MCM9: variants seen among roughly 807,000 people sequenced by gnomAD.
MCM9 encodes the protein minichromosome maintenance 9 homologous recombination repair factor, also known as DNA helicase MCM9.
MCM9 carries 55 observed loss-of-function variants against 72.8 expected under a neutral mutation model. The ratio of observed to expected loss-of-function variants is 0.76; its 90% CI spans 0.61 to 0.95. The LOEUF (loss-of-function observed/expected upper bound fraction) is 0.95, where lower values mean the gene tolerates loss of function less well. MCM9 is among the 40% of genes least tolerant of loss of function. The pLI, the probability that MCM9 is intolerant of heterozygous loss-of-function variation, is 0.00. For missense variants in MCM9, 1,279 were observed against 1,377.0 expected (o/e 0.93, Z 1.13); for synonymous variants, 480 against 503.4 (o/e 0.95, Z 0.62).
At chr6:118,917,930 G>A in intron 5 of MCM9, 169 bp from the exon 6 acceptor site, 1 of 605,862 alleles carries the variant, frequency 1.7e-6, no homozygotes. Flanking sequence ...CCAGATTCTT[G>A]ACTGTTGTCC....
chr6:118,921,953 C>G, intron 5 of MCM9, 52 bp downstream of exon 5: 1 of 1,385,084 alleles, frequency 7.2e-7, no homozygotes, highest in South Asian at 1.2e-5. Flanking sequence ...TTTTCCTAAT[C>G]AATACTTTAG....
intron 9 of MCM9, among the ~76,000 whole-genome samples, chr6:118,843,655 T>TATACAC (rs1491542240): frequency 2.8e-4 from 11 of 38,616 alleles, no homozygotes; most frequent in African/African-American, 1.1e-3. Context: ...TATATATATA[T>TATACAC]GTGTATATAT....
In MCM9 at chr6:118,814,734, G is replaced by A. The variant is rs1337677776; in HGVS notation, c.*90C>T. On this transcript the variant is annotated 3_prime_UTR_variant, in exon 14 of 14. Transcript: ENST00000619706. ...AGAGTGATCCTCAATATGGCCAATT[G>A]TTCTATACATTTATAAATACCATAT... 4.0e-6 allele frequency: 5 copies of A among 1,265,576 alleles called. No individual in the cohort carries two copies. The highest frequency in any genetic ancestry group is 5.3e-6 in the Non-Finnish European group (5 of 937,644). The allele number at this position is 1,265,576 out of a possible 1,614,324, so 78.4% of individuals were successfully genotyped here. A position where few individuals can be genotyped will look rare whatever the true frequency, so the allele number is the denominator to read the frequency against.
At chr6:118,894,845 G>A (rs1022287091) in intron 8 of MCM9, among the ~76,000 whole-genome samples, 4 of 152,196 alleles carry the variant, frequency 2.6e-5, no homozygotes, top group Non-Finnish European at 5.9e-5. Context: ...GTCGCGCCGG[G>A]CTGGCTCCGC....
chr6:118,896,474 C>T (rs549442980), intron 8 of MCM9, among the ~76,000 whole-genome samples: 1 of 152,084 alleles, frequency 6.6e-6, no homozygotes, highest in Non-Finnish European at 1.5e-5. Context: ...TTTTACATTG[C>T]ATAGATGAAA....
At chr6:118,862,481 C>G (rs1776966242) in intron 8 of MCM9, among the ~76,000 whole-genome samples, 1 of 152,334 alleles carries the variant, frequency 6.6e-6, no homozygotes, top group East Asian at 1.9e-4. Context: ...TTTCCTGCAC[C>G]TAGACAGTCC....
Position 118,815,528 on chromosome 6 carries a change from C to T in MCM9, c.2728G>A (p.Val910Ile). The change falls in exon 14 of 14, where the codon GTT (valine) becomes ATT (isoleucine). Residue 910 changes from valine (V) to isoleucine (I), a missense_variant. By Grantham distance (29) the Val-to-Ile change is conservative. Transcript: ENST00000619706. ...GCCACAGGGGAACCTGGAGGCTTAA[C>T]ATTTTCAATTGCAGGCTCTTCCACT... ...AQVEEPAIEN[V>I]KPPGSPVAKL... The T allele has an allele frequency of 6.5e-7, 1 of 1,548,470 alleles. No homozygotes were observed.
chr6:118,866,043 C>G (rs1777197059), intron 8 of MCM9, among the ~76,000 whole-genome samples: 1 of 152,206 alleles, frequency 6.6e-6, no homozygotes. Flanking sequence ...ATAGCCAACA[C>G]CCCAATCTTT....
intron 8 of MCM9, among the ~76,000 whole-genome samples, chr6:118,889,104 T>A (rs965974545): frequency 3.3e-5 from 5 of 152,226 alleles, no homozygotes; most frequent in African/African-American, 9.6e-5. Flanking sequence ...AGCTGTTACC[T>A]GAAAAATATT....
At chr6:118,835,654 C>T (rs1406645563) in intron 9 of MCM9, among the ~76,000 whole-genome samples, 1 of 152,114 alleles carries the variant, frequency 6.6e-6, no homozygotes, top group Non-Finnish European at 1.5e-5. Flanking sequence ...CTCTGCTTGT[C>T]TATTACTGGT....
intron 5 of MCM9, 112 bp from the exon 6 acceptor site, chr6:118,917,873 CA>C: frequency 1.2e-6 from 1 of 868,518 alleles, no homozygotes; most frequent in Non-Finnish European, 1.8e-6. Context: ...CTAGAGTTTA[CA>C]ATATGTACAC....
At chr6:118,888,450 G>A (rs1053009222) in intron 8 of MCM9, among the ~76,000 whole-genome samples, 1 of 152,124 alleles carries the variant, frequency 6.6e-6, no homozygotes, top group Non-Finnish European at 1.5e-5. Flanking sequence ...TCACGCCACT[G>A]CACTCCAGCC....
chr6:118,855,149 A>T (rs1338914109), intron 9 of MCM9, among the ~76,000 whole-genome samples: 1 of 152,228 alleles, frequency 6.6e-6, no homozygotes, highest in Non-Finnish European at 1.5e-5. Context: ...CAACATACTT[A>T]CAGATAGCAC....
At chr6:118,927,728 A>C (rs957516215) in intron 3 of MCM9, among the ~76,000 whole-genome samples, 9 of 152,242 alleles carry the variant, frequency 5.9e-5, no homozygotes, top group African/African-American at 1.9e-4. Context: ...TTTTGGCTTA[A>C]AAACAAATTC....
Position 118,815,596 on chromosome 6 carries a change from A to C in MCM9, c.2660T>G (p.Met887Arg), listed in dbSNP as rs65685. 236,366 of 1,550,264 alleles carry C rather than the reference A, an allele frequency of 0.15. 19,119 individuals are homozygous for C. Among genetic ancestry groups the C allele is most frequent in the Non-Finnish European group, 0.17 (190,965 of 1,146,850 alleles). Residue 887 changes from methionine (M) to arginine (R), a missense_variant, in exon 14 of 14, where the codon ATG becomes AGG. Met to Arg is a moderately conservative substitution (Grantham distance 91). Coordinates refer to ENST00000619706, the MANE Select transcript of MCM9 (RefSeq NM_017696.3). ...QSTPVHSPDRMLDSPKRKRPK... is the reference protein window; with the variant it reads ...QSTPVHSPDRRLDSPKRKRPK... ...TCTCTTTCTTTTGGGTGAGTCCAGC[A>C]TTCTGTCTGGGCTATGTACAGGAGT...
At position 118,828,079 on chromosome 6, in the gene MCM9, T is replaced by C. The variant is rs1315441860; in HGVS notation, c.1580A>G (p.Tyr527Cys). The C allele has an allele frequency of 6.4e-7, 1 of 1,550,618 alleles. No homozygotes were observed. The highest frequency in any genetic ancestry group is 1.2e-5 in the South Asian group (1 of 84,050). The change falls in exon 11 of 14, where the codon TAT becomes TGT. Residue 527 changes from tyrosine to cysteine, a missense_variant. By Grantham distance (194) the Tyr-to-Cys change is radical. Coordinates refer to ENST00000619706, the MANE Select transcript of MCM9 (RefSeq NM_017696.3). ...KLWSMEKMKT[Y>C]FCLIRNLQPT... ...CTGCAGATTCCTTATGAGGCAGAAATAGGTTTTCATCTTTTCCATGCTCCA... is the reference window on the plus strand; with the variant it reads ...CTGCAGATTCCTTATGAGGCAGAAACAGGTTTTCATCTTTTCCATGCTCCA...
chr6:118,858,755 G>A (rs569450684), intron 8 of MCM9, among the ~76,000 whole-genome samples: 1 of 152,094 alleles, frequency 6.6e-6, no homozygotes, highest in South Asian at 2.1e-4. Context: ...CACTGACAGA[G>A]GAAATCATGA....
chr6:118,826,726 T>C, intron 12 of MCM9, 56 bp downstream of exon 12: 3 of 1,344,644 alleles, frequency 2.2e-6, no homozygotes, highest in Admixed American at 2.4e-5. Context: ...TGTCCTTTTT[T>C]AAAAAAAAGA....
chr6:118,900,670 C>A, intron 8 of MCM9: 3 of 852,912 alleles, frequency 3.5e-6, no homozygotes, highest in South Asian at 2.9e-5. Context: ...AATTTTAAAG[C>A]CAGTAAGTGG....
Sources: gnomAD v4.1 joint callset for allele counts (sites outside exome capture counted in the v4.1 genomes callset) on GRCh38, gnomAD v4.1.1 for gene constraint, MANE v1.5 for transcripts, NCBI Gene and HGNC (gene_info 2026-07-23, HGNC 2026-07-21) for gene names.